Variants in RNF19B observed in about 807,000 individuals in gnomAD.
RNF19B encodes ring finger protein 19B.
In RNF19B, 23 loss-of-function variants were observed where a neutral mutation model predicts 65.5. That is an observed-to-expected ratio of 0.35 (90% CI 0.25 to 0.50). RNF19B has a LOEUF of 0.50. RNF19B is among the 20% of genes least tolerant of loss of function. The pLI is 0.98. For missense variants in RNF19B, 794 were observed against 980.0 expected (o/e 0.81, Z 2.53); for synonymous variants, 372 against 379.6 (o/e 0.98, Z 0.23).
At chr1:32,959,103 T>C (rs1642710276) in intron 1 of RNF19B, among the ~76,000 whole-genome samples, 1 of 152,138 alleles carries the variant, frequency 6.6e-6, no homozygotes. Context: ...CCCTCATAAA[T>C]GTGCTAGGGA....
At position 32,964,541 on chromosome 1, in the gene RNF19B, G is replaced by C. The variant is rs1642859583; in HGVS notation, c.145C>G (p.Arg49Gly). 3 of 1,193,494 alleles carry C rather than the reference G, an allele frequency of 2.5e-6. No homozygotes were observed. Among genetic ancestry groups the C allele is most frequent in the South Asian group, 4.5e-5 (2 of 44,852 alleles). The allele number at this position is 1,193,494 out of a possible 1,614,324, so 73.9% of individuals were successfully genotyped here. The change falls in exon 1 of 9, where the codon CGG becomes GGG. Residue 49 changes from arginine to glycine, a missense_variant. Transcript: ENST00000235150. The surrounding 1 kb of genome is among the most constrained non-coding windows in gnomAD (Gnocchi z 6.5). ...FSASARGRRARAKPQAEPPPP... is the reference protein window; with the variant it reads ...FSASARGRRAGAKPQAEPPPP... ...GGCGGCTCGGCCTGCGGCTTGGCCC[G>C]GGCGCGGCGGCCGCGGGCCGAGGCA...
At chr1:32,951,384 G>A (rs552640875) in intron 1 of RNF19B, among the ~76,000 whole-genome samples, 1 of 152,368 alleles carries the variant, frequency 6.6e-6, no homozygotes, top group African/African-American at 2.4e-5. Context: ...AGGAGCAGCA[G>A]CTCTTCTTGC....
At chr1:32,931,697 T>G (rs1157583885), downstream of RNF19B, among the ~76,000 whole-genome samples, 1 of 152,230 alleles carries the variant, frequency 6.6e-6, no homozygotes, top group Non-Finnish European at 1.5e-5. Context: ...TTCTTTTGGG[T>G]CTCTCCCATA....
intron 8 of RNF19B, 116 bp downstream of exon 8, chr1:32,938,281 C>T: frequency 9.2e-7 from 1 of 1,083,484 alleles, no homozygotes; most frequent in South Asian, 1.3e-5. Context: ...TCACAGGTTA[C>T]ACTATATATC....
In RNF19B at chr1:32,937,056, C is replaced by T. The variant is rs1642122773; in HGVS notation, c.1946G>A (p.Ser649Asn). The stretch of plus-strand genomic sequence containing the variant: ...GGCCAGGCTGATGTCCCAAGGTTTG[C>T]TGGCCAGGCAGTCTTTCTGTTCACA... ...QSCEQKDCLA[S>N]KPWDISLAQP... The change falls in exon 9 of 9, where the codon AGC (serine) becomes AAC (asparagine). Residue 649 changes from serine (S) to asparagine (N), a missense_variant. By Grantham distance (46) the Ser-to-Asn change is conservative. Transcript: ENST00000235150. 1 of 1,614,070 alleles carries T rather than the reference C, an allele frequency of 6.2e-7. No homozygotes were observed. Among genetic ancestry groups the T allele is most frequent in the Admixed American group, 1.7e-5 (1 of 59,998 alleles).
chr1:32,936,784 G>C lies in RNF19B; in HGVS notation c.*22C>G, dbSNP rs748568922. ...GATGCAGTTACAAGTGTGCTTCTCA[G>C]AACAGGAGCATTCATTCCACTTCAT... On this transcript the variant is annotated 3_prime_UTR_variant, in exon 9 of 9. Coordinates refer to ENST00000235150, the MANE Select transcript of RNF19B (RefSeq NM_001300826.2). 6 of 1,516,942 alleles carry C rather than the reference G, an allele frequency of 4.0e-6. No individual in the cohort carries two copies. In the East Asian group the frequency reaches 1.4e-4, roughly 35 times the overall value. 94.0% of individuals were successfully genotyped at this position (1,516,942 alleles called of 1,614,324 possible).
chr1:32,947,656 C>A (rs1272376474), intron 3 of RNF19B, among the ~76,000 whole-genome samples: 13 of 135,536 alleles, frequency 9.6e-5, no homozygotes, highest in African/African-American at 2.8e-4. Context: ...GAAACTCTGT[C>A]TTAAAAAAAA....
intron 1 of RNF19B, among the ~76,000 whole-genome samples, chr1:32,959,768 T>C (rs1417080471): frequency 2.6e-5 from 4 of 151,702 alleles, no homozygotes; most frequent in Admixed American, 6.6e-5. Context: ...CCGGGCACAG[T>C]GGCTCACGCC....
chr1:32,945,698 C>G, intron 4 of RNF19B, 70 bp from the exon 5 acceptor site: 1 of 843,044 alleles, frequency 1.2e-6, no homozygotes, highest in African/African-American at 1.7e-5. Flanking sequence ...AAAAAAAGGA[C>G]AGGTGAATAT....
chr1:32,944,610 A>G (rs1157261889), intron 5 of RNF19B, among the ~76,000 whole-genome samples: 2 of 152,172 alleles, frequency 1.3e-5, no homozygotes, highest in African/African-American at 2.4e-5. Context: ...AGAATGGCTT[A>G]GCTGTTAAGA....
In RNF19B at chr1:32,938,314, C is replaced by T. The variant is rs766859392; in HGVS notation, c.1742+83G>A. ...ATCCCAGGAGATGGTACATACAGCC[C>T]TAACATGAGGCATTGAACTTCTGAA... On this transcript the variant is annotated intron_variant, in intron 8 of 8. Transcript: ENST00000235150. 3 of 1,446,558 alleles carry T rather than the reference C, an allele frequency of 2.1e-6. No individual in the cohort carries two copies. In the South Asian group the frequency reaches 3.4e-5, roughly 17 times the overall value. 89.6% of individuals were successfully genotyped at this position (1,446,558 alleles called of 1,614,324 possible). A position where few individuals can be genotyped will look rare whatever the true frequency, so the allele number is the denominator to read the frequency against.
intron 1 of RNF19B, among the ~76,000 whole-genome samples, chr1:32,957,160 C>G (rs945588066): frequency 3.9e-5 from 6 of 152,178 alleles, no homozygotes; most frequent in African/African-American, 1.2e-4. Context: ...ATCCAGTCCA[C>G]GTTTTCAGGT....
chr1:32,937,199 C>A lies in RNF19B; in HGVS notation c.1803G>T (p.Leu601=). The A allele has an allele frequency of 6.2e-7, 1 of 1,614,152 alleles. No individual in the cohort carries two copies. Among genetic ancestry groups the A allele is most frequent in the Non-Finnish European group, 8.5e-7 (1 of 1,180,034 alleles). The change falls in exon 9 of 9, where the codon CTG becomes CTT. Residue 601 remains leucine (L), a synonymous_variant. Transcript: ENST00000235150. ...AGTCCTCCGTGCTGCTTCCACTCAC[C>A]AGCTGATAGTGGCTTGGTTTGGCTT... ...DIEAKPSHYQ[L]VSGSSTEDSL...
chr1:32,946,376 C>G (rs1642367590), intron 4 of RNF19B, 26 bp downstream of exon 4: 1 of 1,607,588 alleles, frequency 6.2e-7, no homozygotes, highest in African/African-American at 1.3e-5. Flanking sequence ...TTGAAACAAG[C>G]ACAGAAACCA....
Position 32,964,470 on chromosome 1 carries a change from G to C in RNF19B, c.216C>G (p.Ala72=), listed in dbSNP as rs1232801204. The change falls in exon 1 of 9, where the codon GCC becomes GCG. Residue 72 remains alanine, a synonymous_variant. Transcript: ENST00000235150. This position sits in a 1 kb window ranked among gnomAD's most constrained non-coding sequence, Gnocchi z 6.5. ...QPPPAPAPAA[A]QGPPPEALPA... ...GCAGCGCCTCGGGCGGCGGGCCCTG[G>C]GCCGCGGCAGGGGCCGGGGCGGGCG... 12 of 957,210 alleles carry C rather than the reference G, an allele frequency of 1.3e-5. No homozygotes were observed. The highest frequency in any genetic ancestry group is 1.5e-5 in the Non-Finnish European group (12 of 807,774). The allele number at this position is 957,210 out of a possible 1,614,324, so 59.3% of individuals were successfully genotyped here.
intron 5 of RNF19B, 82 bp downstream of exon 5, chr1:32,945,432 C>T: frequency 4.8e-6 from 4 of 829,672 alleles, no homozygotes; most frequent in South Asian, 4.5e-5. Context: ...ATGTAGGAGT[C>T]TTTGAGAAAC....
intron 1 of RNF19B, among the ~76,000 whole-genome samples, chr1:32,953,283 C>T (rs1419815839): frequency 6.6e-6 from 1 of 152,074 alleles, no homozygotes; most frequent in East Asian, 1.9e-4. Context: ...CTATGACACA[C>T]ATTTTTAAAA....
intron 5 of RNF19B, among the ~76,000 whole-genome samples, chr1:32,944,629 T>C (rs1489487109): frequency 6.6e-6 from 1 of 152,156 alleles, no homozygotes; most frequent in Admixed American, 6.5e-5. Flanking sequence ...GAGAACAGGA[T>C]CTGAAGGCAG....
At chr1:32,937,292 G>A in intron 8 of RNF19B, 33 bp from the exon 9 acceptor site, 1 of 1,612,098 alleles carries the variant, frequency 6.2e-7, no homozygotes, top group East Asian at 2.2e-5. Flanking sequence ...GCTGAGTCAT[G>A]CATGGATCAT....
Sources: allele counts gnomAD v4.1 joint callset (sites outside exome capture counted in the v4.1 genomes callset), GRCh38; gene constraint gnomAD v4.1.1; non-coding constraint Gnocchi (gnomAD v3.1); transcripts MANE v1.5; gene names NCBI Gene and HGNC (gene_info 2026-07-23, HGNC 2026-07-21).